The following DLG2 variants were observed in gnomAD, a reference collection of about 807,000 sequenced individuals.
DLG2 encodes disks large homolog 2.
A neutral mutation model predicts 132.5 loss-of-function variants in DLG2; 45 were observed. The ratio of observed to expected loss-of-function variants is 0.34; its 90% CI spans 0.27 to 0.44. The LOEUF (loss-of-function observed/expected upper bound fraction) is 0.44, where lower values mean the gene tolerates loss of function less well. Among genes scored for constraint, DLG2 ranks in the 20% least tolerant of loss-of-function variants. The pLI is 1.00. For missense variants in DLG2, 1,045 were observed against 1,196.9 expected (o/e 0.87, Z 1.87); for synonymous variants, 424 against 419.6 (o/e 1.01, Z -0.13).
intron 6 of DLG2, among the ~76,000 whole-genome samples, chr11:84,566,309 T>C (rs1305974894): frequency 6.6e-6 from 1 of 152,096 alleles, no homozygotes; most frequent in East Asian, 1.9e-4. Flanking sequence ...GAAACTCTAG[T>C]CAAGTAGAGT....
At chr11:83,834,638 GAC>G (rs1212175300) in intron 16 of DLG2, among the ~76,000 whole-genome samples, 1 of 152,166 alleles carries the variant, frequency 6.6e-6, no homozygotes. Flanking sequence ...AGCAGCTGGA[GAC>G]AAAGAATAGG....
chr11:84,444,330 C>T (rs1780945408), intron 7 of DLG2, among the ~76,000 whole-genome samples: 1 of 152,008 alleles, frequency 6.6e-6, no homozygotes, highest in Admixed American at 6.6e-5. Flanking sequence ...CTCATGTTTC[C>T]CTATGTAACA....
At chr11:84,137,128 C>T (rs895395870) in intron 9 of DLG2, among the ~76,000 whole-genome samples, 16 of 152,224 alleles carry the variant, frequency 1.1e-4, no homozygotes, top group African/African-American at 3.1e-4. Flanking sequence ...TAGGTTGTGG[C>T]AACTTACCAG....
chr11:83,829,911 G>T (rs968924515), intron 17 of DLG2, among the ~76,000 whole-genome samples: 11 of 151,834 alleles, frequency 7.2e-5, no homozygotes, highest in African/African-American at 1.5e-4. Flanking sequence ...CCCACCATAC[G>T]ACAGGCCCCG....
At chr11:84,729,673 C>CTAAG (rs974518091) in intron 6 of DLG2, among the ~76,000 whole-genome samples, 1 of 152,044 alleles carries the variant, frequency 6.6e-6, no homozygotes, top group Non-Finnish European at 1.5e-5. Context: ...TGGCCTTTAT[C>CTAAG]TAAGTCATAC....
chr11:84,776,155 T>A (rs1196234995), intron 6 of DLG2, among the ~76,000 whole-genome samples: 1 of 152,142 alleles, frequency 6.6e-6, no homozygotes, highest in Non-Finnish European at 1.5e-5. Context: ...ATTCTATCAC[T>A]TTTTGTTGTT....
chr11:84,705,428 A>G (rs2059685978), intron 6 of DLG2, among the ~76,000 whole-genome samples: 1 of 151,738 alleles, frequency 6.6e-6, no homozygotes, highest in African/African-American at 2.4e-5. Context: ...ATTCAGTTCT[A>G]TTGAAGACAC....
chr11:84,700,800 T>A (rs759009202), intron 6 of DLG2, among the ~76,000 whole-genome samples: 1 of 151,516 alleles, frequency 6.6e-6, no homozygotes, highest in Non-Finnish European at 1.5e-5. Context: ...CAACGTAACT[T>A]GAACATGGAA....
At chr11:84,885,099 T>C (rs1252363231) in intron 6 of DLG2, among the ~76,000 whole-genome samples, 1 of 152,070 alleles carries the variant, frequency 6.6e-6, no homozygotes, top group Non-Finnish European at 1.5e-5. Context: ...CATTTTGTCA[T>C]CTCATATCAT....
intron 4 of DLG2, among the ~76,000 whole-genome samples, chr11:85,253,870 C>T (rs936046867): frequency 2.0e-5 from 3 of 152,070 alleles, no homozygotes; most frequent in Non-Finnish European, 4.4e-5. Context: ...CCCCTGAAGT[C>T]CAGCCATCCA....
At chr11:85,227,675 T>C (rs1192592170) in intron 4 of DLG2, among the ~76,000 whole-genome samples, 2 of 152,084 alleles carry the variant, frequency 1.3e-5, no homozygotes, top group Admixed American at 6.6e-5. Context: ...TCAAACAATG[T>C]TTCTCCTCTG....
chr11:85,250,556 C>A (rs576532368), intron 4 of DLG2, among the ~76,000 whole-genome samples: 2 of 152,182 alleles, frequency 1.3e-5, no homozygotes, highest in South Asian at 4.1e-4. Context: ...GTTTTTCTTG[C>A]AAGAAGATTA....
At chr11:83,850,301 G>GCC (rs2059512471) in intron 16 of DLG2, among the ~76,000 whole-genome samples, 3 of 151,996 alleles carry the variant, frequency 2.0e-5, no homozygotes, top group Admixed American at 6.6e-5. Context: ...TTACAGGCAT[G>GCC]TGCCACCACT....
At chr11:84,834,873 T>C (rs2079526190) in intron 6 of DLG2, among the ~76,000 whole-genome samples, 2 of 151,370 alleles carry the variant, frequency 1.3e-5, no homozygotes, top group South Asian at 2.1e-4. Context: ...CTATGTTTCA[T>C]GGAATACTGG....
intron 3 of DLG2, among the ~76,000 whole-genome samples, chr11:85,514,960 T>C (rs1253154848): frequency 6.6e-6 from 1 of 151,894 alleles, no homozygotes; most frequent in Non-Finnish European, 1.5e-5. Context: ...TTGAATTACT[T>C]GGAGGATTTC....
intron 3 of DLG2, among the ~76,000 whole-genome samples, chr11:85,583,154 A>G (rs1276946638): frequency 1.9e-3 from 221 of 117,382 alleles, no homozygotes; most frequent in African/African-American, 6.1e-3. Context: ...ATATATATAT[A>G]TATATATATA....
intron 4 of DLG2, among the ~76,000 whole-genome samples, chr11:85,249,983 C>T (rs2076320248): frequency 6.6e-6 from 1 of 152,076 alleles, no homozygotes; most frequent in South Asian, 2.1e-4. Context: ...CTCTAAAAGA[C>T]CTCAAACTCT....
In DLG2 at chr11:84,045,188, C is replaced by T. The variant is rs749021982; in HGVS notation, c.919+14127G>A. Among the ~76,000 whole-genome samples the T allele has an allele frequency of 6.6e-5, 10 of 151,716 alleles. No homozygotes were observed. In the South Asian group the frequency reaches 1.9e-3, roughly 28 times the overall value. Reference sequence around the variant, plus strand: ...TCTTTCCATTATTTTTATAACCAGCCCTTCCTTATACCTGTGGTATTCACT... The same window carrying T: ...TCTTTCCATTATTTTTATAACCAGCTCTTCCTTATACCTGTGGTATTCACT... On this transcript the variant is annotated intron_variant, in intron 11 of 27. Transcript: ENST00000376104.
intron 21 of DLG2, among the ~76,000 whole-genome samples, chr11:83,488,460 A>G (rs542901157): frequency 6.4e-4 from 97 of 152,116 alleles, no homozygotes; most frequent in Admixed American, 2.6e-3. Context: ...TTCATGAAAG[A>G]AGGAAACAAA....
Sources: gnomAD v4.1 joint callset for allele counts (sites outside exome capture counted in the v4.1 genomes callset) on GRCh38, gnomAD v4.1.1 for gene constraint, MANE v1.5 for transcripts, NCBI Gene and HGNC (gene_info 2026-07-23, HGNC 2026-07-21) for gene names.